SLA2: variants seen among roughly 807,000 people sequenced by gnomAD.
The protein encoded by SLA2 is src-like-adapter 2.
SLA2 carries 22 observed loss-of-function variants against 27.3 expected under a neutral mutation model. That is an observed-to-expected ratio of 0.81 (90% confidence interval 0.58 to 1.15). The LOEUF is 1.15. SLA2 is among the 50% of genes most tolerant of loss of function. The pLI is 0.00. For synonymous variants in SLA2, 131 were observed against 137.8 expected (o/e 0.95, Z 0.34); for missense variants, 304 against 322.2 (o/e 0.94, Z 0.43).
intron 1 of SLA2, among the ~76,000 whole-genome samples, chr20:36,645,541 G>C (rs1455763211): frequency 6.6e-6 from 1 of 152,146 alleles, no homozygotes; most frequent in African/African-American, 2.4e-5. Flanking sequence ...GCAGAGAGGG[G>C]CCCAAAGTCA....
At position 36,612,419 on chromosome 20, in the gene SLA2, T is replaced by A. The variant is rs1278961966; in HGVS notation, c.*1447A>T. ...TCCATCGGGTGTAGAGTTTTTAAAC[T>A]ATCAATGGCATTTCAAGTCTTCTGA... is the stretch of plus-strand genomic sequence containing the variant. On this transcript the variant is annotated 3_prime_UTR_variant, in exon 8 of 8. Coordinates refer to ENST00000262866, the MANE Select transcript of SLA2 (RefSeq NM_032214.4). 4.8e-6 allele frequency: 3 copies of A among 619,554 alleles called. No individual in the cohort carries two copies. Among genetic ancestry groups the A allele is most frequent in the Non-Finnish European group, 8.5e-6 (3 of 353,662 alleles). The allele number at this position is 619,554 out of a possible 1,614,324, so 38.4% of individuals were successfully genotyped here. A position where few individuals can be genotyped will look rare whatever the true frequency, so the allele number is the denominator to read the frequency against.
At chr20:36,636,621 A>ATATATATATAT (rs1283539835) in intron 2 of SLA2, among the ~76,000 whole-genome samples, 1 of 125,746 alleles carries the variant, frequency 8.0e-6, no homozygotes, top group African/African-American at 3.6e-5. Flanking sequence ...GAAAAAAAAA[A>ATATATATATAT]AAATATATAT....
In SLA2 at chr20:36,634,538, G is replaced by A. The variant is rs199996543; in HGVS notation, c.143C>T (p.Pro48Leu). The A allele has an allele frequency of 1.5e-5, 24 of 1,611,410 alleles. No homozygotes were observed. Among genetic ancestry groups the A allele is most frequent in the East Asian group, 6.7e-5 (3 of 44,758 alleles). ...VALGSFPAGG[P>L]AELSLRLGEP... is the part of the protein sequence containing the mutation. The stretch of plus-strand genomic sequence containing the variant: ...CCCGAGTCTCAGCGACAGCTCGGCC[G>A]GGCCACCTGCCGGGAAACTGCCCAG... Residue 48 changes from proline to leucine, a missense_variant, in exon 3 of 8, where the codon CCG becomes CTG. Transcript: ENST00000262866.
At chr20:36,642,059 G>C (rs1014055712) in intron 1 of SLA2, among the ~76,000 whole-genome samples, 2 of 142,640 alleles carry the variant, frequency 1.4e-5, no homozygotes, top group African/African-American at 5.3e-5. Flanking sequence ...AGCTACTCAG[G>C]TGGGAGGCTG....
At chr20:36,626,325 T>C (rs1325666657) in intron 5 of SLA2, among the ~76,000 whole-genome samples, 1 of 143,154 alleles carries the variant, frequency 7.0e-6, no homozygotes, top group African/African-American at 2.6e-5. Context: ...CCAGGAGGCA[T>C]AGGTTGCAAT....
chr20:36,636,190 G>C lies in SLA2; in HGVS notation c.92-1601C>G, dbSNP rs190078793. On this transcript the variant is annotated intron_variant, in intron 2 of 7. Coordinates refer to ENST00000262866, the MANE Select transcript of SLA2 (RefSeq NM_032214.4). The stretch of plus-strand genomic sequence containing the variant: ...CCCAGCACTTTGGGAGGCCGAGGCG[G>C]GTGGATCATGAGGTCAGGAGATCGA... Among the ~76,000 whole-genome samples the C allele has an allele frequency of 7.3e-3, 1,086 of 148,606 alleles. 12 individuals are homozygous for C. Among genetic ancestry groups the C allele is most frequent in the African/African-American group, 0.027 (1,030 of 38,188 alleles).
At chr20:36,633,010 A>G (rs1004196162) in intron 4 of SLA2, among the ~76,000 whole-genome samples, 3 of 151,924 alleles carry the variant, frequency 2.0e-5, no homozygotes, top group African/African-American at 7.3e-5. Context: ...TCAGTCCCCA[A>G]AGCACCCTGA....
chr20:36,622,439 T>A (rs1600820544), intron 5 of SLA2, among the ~76,000 whole-genome samples: 1 of 141,866 alleles, frequency 7.0e-6, no homozygotes, highest in African/African-American at 3.0e-5. Context: ...ACACCCTTCA[T>A]GATTAAAAAA....
rs2039161035 is a variant in SLA2, at chr20:36,613,085, T to C, written c.*781A>G. ...ATACAAAAAAATTAGCCAGGCATGG[T>C]GGTGTACGCCTGTAATCCCAGCTAT... On this transcript the variant is annotated 3_prime_UTR_variant, in exon 8 of 8. Coordinates refer to ENST00000262866, the MANE Select transcript of SLA2 (RefSeq NM_032214.4). The C allele has an allele frequency of 6.6e-6, 1 of 152,226 alleles. No individual in the cohort carries two copies. Among genetic ancestry groups the C allele is most frequent in the Non-Finnish European group, 1.5e-5 (1 of 68,108 alleles). The allele number at this position is 152,226 out of a possible 1,614,324, so 9.4% of individuals were successfully genotyped here.
Position 36,612,831 on chromosome 20 carries a change from G to C in SLA2, c.*1035C>G, listed in dbSNP as rs1257166567. On this transcript the variant is annotated 3_prime_UTR_variant, in exon 8 of 8. Transcript: ENST00000262866. ...CACTGAGGTGCCTGGCCTCACTGCAGTGTGCTAGACTTAAGAGGTGTTATT... is the reference window on the plus strand; with the variant it reads ...CACTGAGGTGCCTGGCCTCACTGCACTGTGCTAGACTTAAGAGGTGTTATT... The C allele has an allele frequency of 6.1e-6, 1 of 163,750 alleles. No individual in the cohort carries two copies. The highest frequency in any genetic ancestry group is 1.6e-4 in the East Asian group (1 of 6,070). The allele number at this position is 163,750 out of a possible 1,614,324, so 10.1% of individuals were successfully genotyped here.
chr20:36,614,267 G>T (rs751044815), intron 7 of SLA2, 38 bp downstream of exon 7: 15 of 1,614,024 alleles, frequency 9.3e-6, no homozygotes, highest in Non-Finnish European at 1.3e-5. Flanking sequence ...TCTAACTCTT[G>T]GTCCTGCTTT....
chr20:36,631,660 A>G (rs2039394312), intron 5 of SLA2, among the ~76,000 whole-genome samples: 1 of 152,188 alleles, frequency 6.6e-6, no homozygotes, highest in African/African-American at 2.4e-5. Flanking sequence ...GATCTCAAAT[A>G]GAGGTATGTT....
intron 2 of SLA2, among the ~76,000 whole-genome samples, chr20:36,639,244 T>A (rs2039482088): frequency 6.6e-6 from 1 of 152,212 alleles, no homozygotes; most frequent in South Asian, 2.1e-4. Context: ...AGAACAAGAC[T>A]GACGTCCTTT....
At chr20:36,627,055 G>C (rs1389122607) in intron 5 of SLA2, among the ~76,000 whole-genome samples, 1 of 151,614 alleles carries the variant, frequency 6.6e-6, no homozygotes, top group Non-Finnish European at 1.5e-5. Context: ...ATGAGTGTGA[G>C]CTTGCCGTGA....
At position 36,613,823 on chromosome 20, in the gene SLA2, T is replaced by C. The variant is rs2039170671; in HGVS notation, c.*43A>G. 2.1e-6 allele frequency: 3 copies of C among 1,415,706 alleles called. No homozygotes were observed. The highest frequency in any genetic ancestry group is 2.0e-4 in the Middle Eastern group (1 of 5,020). 87.7% of individuals were successfully genotyped at this position (1,415,706 alleles called of 1,614,324 possible). A position where few individuals can be genotyped will look rare whatever the true frequency, so the allele number is the denominator to read the frequency against. On this transcript the variant is annotated 3_prime_UTR_variant, in exon 8 of 8. Transcript: ENST00000262866. ...TGCCCAGGAGGCTGAATTGGGGTTC[T>C]AGGTGTGCAGCCTTGGTTTCCCTTT...
Position 36,615,444 on chromosome 20 carries a change from C to T in SLA2, c.383-70G>A, listed in dbSNP as rs564314147. 47 of 1,594,130 alleles carry T rather than the reference C, an allele frequency of 2.9e-5. No homozygotes were observed. The East Asian group carries it at 8.8e-4, about 30-fold the overall frequency. ...ACTCGGCCCCACCTAGGCTGGGAAA[C>T]GAAGATAGGCAACGTGACCATGGGG... On this transcript the variant is annotated intron_variant, in intron 5 of 7. Transcript: ENST00000262866.
intron 2 of SLA2, among the ~76,000 whole-genome samples, chr20:36,640,423 A>G (rs1017924683): frequency 5.9e-5 from 9 of 152,126 alleles, no homozygotes; most frequent in African/African-American, 1.4e-4. Context: ...GAAATGTTCT[A>G]TAATTGTGTG....
At chr20:36,629,783 T>C (rs566274593) in intron 5 of SLA2, among the ~76,000 whole-genome samples, 7 of 151,664 alleles carry the variant, frequency 4.6e-5, no homozygotes, top group Admixed American at 1.3e-4. Flanking sequence ...CAAAAAAGTA[T>C]AATAATTATC....
intron 5 of SLA2, among the ~76,000 whole-genome samples, chr20:36,619,661 C>T (rs1003749358): frequency 2.7e-5 from 4 of 148,234 alleles, no homozygotes; most frequent in African/African-American, 5.0e-5. Context: ...GACAGAGTCT[C>T]GCTCTCTCAC....
Sources: gnomAD v4.1 joint callset for allele counts (sites outside exome capture counted in the v4.1 genomes callset) on GRCh38, gnomAD v4.1.1 for gene constraint, MANE v1.5 for transcripts, NCBI Gene and HGNC (gene_info 2026-07-23, HGNC 2026-07-21) for gene names.